Variants in MAGI1 observed in about 807,000 individuals in gnomAD.
MAGI1 encodes the protein membrane associated guanylate kinase, WW and PDZ domain containing 1, also known as membrane-associated guanylate kinase, WW and PDZ domain-containing protein 1.
MAGI1 carries 58 observed loss-of-function variants against 139.9 expected under a neutral mutation model. The observed-to-expected ratio is 0.41, with a 90% CI of 0.34 to 0.52. The LOEUF (loss-of-function observed/expected upper bound fraction) is 0.52, where lower values mean the gene tolerates loss of function less well. Ranked by LOEUF, MAGI1 falls within the 20% of genes least tolerant of loss-of-function variation. The pLI is 0.12. For missense variants in MAGI1, 1,874 were observed against 1,901.6 expected, an observed-to-expected ratio of 0.99 and a Z score of 0.27; for synonymous variants, 812 against 737.9, an observed-to-expected ratio of 1.10 and a Z score of -1.63.
intron 2 of MAGI1, among the ~76,000 whole-genome samples, chr3:65,600,178 A>C (rs1289434264): frequency 6.6e-6 from 1 of 152,212 alleles, no homozygotes; most frequent in African/African-American, 2.4e-5. Flanking sequence ...TGTACAGTAC[A>C]AATTAAATTG....
intron 1 of MAGI1, among the ~76,000 whole-genome samples, chr3:65,792,293 C>T (rs550294708): frequency 1.3e-5 from 2 of 151,964 alleles, no homozygotes; most frequent in East Asian, 3.9e-4. Context: ...GGTGAAACCC[C>T]GTCTCTACTA....
chr3:65,686,971 A>G (rs1160798080), intron 1 of MAGI1, among the ~76,000 whole-genome samples: 3 of 152,202 alleles, frequency 2.0e-5, no homozygotes, highest in Non-Finnish European at 4.4e-5. Flanking sequence ...GTGCTTTTAT[A>G]GCTGAAACAT....
intron 1 of MAGI1, among the ~76,000 whole-genome samples, chr3:65,853,734 C>G (rs1035509937): frequency 5.9e-5 from 9 of 152,150 alleles, no homozygotes; most frequent in Admixed American, 5.9e-4. Context: ...CAAAATGCTT[C>G]TCTCTGTTTG....
chr3:65,931,004 A>G (rs1335623435), intron 1 of MAGI1, among the ~76,000 whole-genome samples: 2 of 151,922 alleles, frequency 1.3e-5, no homozygotes, highest in Admixed American at 1.3e-4. Context: ...TGCTCTGCCT[A>G]CGAAGTAGCT....
chr3:65,919,141 T>C (rs776437779), intron 1 of MAGI1, among the ~76,000 whole-genome samples: 58 of 152,236 alleles, frequency 3.8e-4, no homozygotes, highest in Non-Finnish European at 8.2e-4. Context: ...GCTTTTCCTT[T>C]GGAGAACACT....
At chr3:65,869,928 C>A (rs888473821) in intron 1 of MAGI1, among the ~76,000 whole-genome samples, 1 of 151,626 alleles carries the variant, frequency 6.6e-6, no homozygotes, top group Non-Finnish European at 1.5e-5. Flanking sequence ...ACGCAGTAAG[C>A]GTTCAGTGCA....
chr3:65,611,455 T>TATATAC (rs2083105537), intron 2 of MAGI1, among the ~76,000 whole-genome samples: 1 of 145,146 alleles, frequency 6.9e-6, no homozygotes, highest in Admixed American at 7.0e-5. Context: ...AGTATACTGT[T>TATATAC]TATACTGTAT....
chr3:65,382,855 G>A (rs1943163522), intron 15 of MAGI1, among the ~76,000 whole-genome samples: 2 of 152,158 alleles, frequency 1.3e-5, no homozygotes, highest in Non-Finnish European at 1.5e-5. Flanking sequence ...ATAAATGAGA[G>A]AATGTATGTT....
chr3:65,742,881 T>A (rs2035393667), intron 1 of MAGI1, among the ~76,000 whole-genome samples: 1 of 152,216 alleles, frequency 6.6e-6, no homozygotes, highest in Admixed American at 6.5e-5. Context: ...AACCTGCTGA[T>A]CAACAATATG....
intron 1 of MAGI1, among the ~76,000 whole-genome samples, chr3:65,699,694 A>G (rs960678858): frequency 1.5e-5 from 2 of 132,778 alleles, no homozygotes; most frequent in African/African-American, 5.8e-5. Context: ...ACATGGACAC[A>G]GGAAGGGGAA....
chr3:65,798,445 G>A (rs771987842), intron 1 of MAGI1, among the ~76,000 whole-genome samples: 72 of 152,072 alleles, frequency 4.7e-4, no homozygotes, highest in Non-Finnish European at 9.3e-4. Flanking sequence ...ATTCTGAAAG[G>A]CACATCAAAG....
chr3:65,463,849 T>C (rs1949990442), intron 5 of MAGI1, among the ~76,000 whole-genome samples: 1 of 152,136 alleles, frequency 6.6e-6, no homozygotes, highest in Non-Finnish European at 1.5e-5. Context: ...CCTGGTTTAG[T>C]CTTGGGTGGG....
At chr3:65,360,307 C>T (rs1458597251) in intron 22 of MAGI1, 1 of 983,388 alleles carries the variant, frequency 1.0e-6, no homozygotes, top group Non-Finnish European at 1.2e-6. Context: ...TTTGGTAGAC[C>T]TTTGGTTGGG....
chr3:65,738,830 A>G (rs547521603), intron 1 of MAGI1, among the ~76,000 whole-genome samples: 12 of 152,348 alleles, frequency 7.9e-5, no homozygotes, highest in South Asian at 4.1e-4. Flanking sequence ...AAAACATGCT[A>G]TAAGCAGATG....
At chr3:65,873,705 C>T (rs896857567) in intron 1 of MAGI1, 2 of 152,092 alleles carry the variant, frequency 1.3e-5, no homozygotes, top group Admixed American at 6.6e-5. Flanking sequence ...AACACAGGTG[C>T]CAAGAAAATT....
intron 1 of MAGI1, chr3:65,718,377 G>A (rs1050847123): frequency 6.6e-6 from 1 of 152,122 alleles, no homozygotes; most frequent in African/African-American, 2.4e-5. Flanking sequence ...AGCACGAGAT[G>A]GAGATGAACC....
intron 1 of MAGI1, among the ~76,000 whole-genome samples, chr3:65,986,560 C>T (rs950545226): frequency 1.3e-5 from 2 of 152,202 alleles, no homozygotes; most frequent in African/African-American, 2.4e-5. Flanking sequence ...ATTCTGGATG[C>T]ACCCGATTTC....
At chr3:65,644,194 A>G (rs966554870) in intron 1 of MAGI1, among the ~76,000 whole-genome samples, 1 of 152,194 alleles carries the variant, frequency 6.6e-6, no homozygotes, top group Non-Finnish European at 1.5e-5. Context: ...AGAAGGTTTA[A>G]GTAAGTTTCA....
chr3:65,937,762 C>T (rs934099688), intron 1 of MAGI1, among the ~76,000 whole-genome samples: 4 of 151,090 alleles, frequency 2.6e-5, no homozygotes, highest in African/African-American at 9.7e-5. Context: ...AGGTTTGACA[C>T]CAAAAAAAGG....
Sources: allele counts gnomAD v4.1 joint callset (sites outside exome capture counted in the v4.1 genomes callset), GRCh38; gene constraint gnomAD v4.1.1; transcripts MANE v1.5; gene names NCBI Gene and HGNC (gene_info 2026-07-23, HGNC 2026-07-21).